Variants in TRAPPC8 observed in about 807,000 individuals in gnomAD.
The protein encoded by TRAPPC8 is general sporulation gene 1 homolog.
In TRAPPC8, 54 loss-of-function variants were observed where a neutral mutation model predicts 174.3. The observed-to-expected ratio is 0.31, with a 90% confidence interval of 0.25 to 0.39. TRAPPC8 has a LOEUF of 0.39. Ranked by LOEUF, TRAPPC8 falls within the 10% of genes least tolerant of loss-of-function variation. The pLI is 1.00. For synonymous variants in TRAPPC8, 630 were observed against 579.9 expected (o/e 1.09, Z -1.24); for missense variants, 1,531 against 1,699.1 (o/e 0.90, Z 1.74).
At chr18:31,864,229 G>C (rs902749754) in intron 19 of TRAPPC8, among the ~76,000 whole-genome samples, 1 of 151,652 alleles carries the variant, frequency 6.6e-6, no homozygotes, top group African/African-American at 2.4e-5. Context: ...GATAGGATGG[G>C]ATAAGAAGGT....
chr18:31,926,581 T>A (rs1382626368), intron 2 of TRAPPC8: 1 of 151,618 alleles, frequency 6.6e-6, no homozygotes, highest in Non-Finnish European at 1.5e-5. Flanking sequence ...ATTACAGGAG[T>A]GTGCCACCAC....
chr18:31,901,980 T>C (rs966397169), intron 9 of TRAPPC8, among the ~76,000 whole-genome samples: 7 of 152,320 alleles, frequency 4.6e-5, no homozygotes, highest in East Asian at 3.9e-4. Context: ...CCCTTCCTCT[T>C]TGTCACTGTA....
chr18:31,867,476 C>G lies in TRAPPC8; in HGVS notation c.2389G>C (p.Val797Leu). 1 of 1,593,458 alleles carries G rather than the reference C, an allele frequency of 6.3e-7. No homozygotes were observed. Among genetic ancestry groups the G allele is most frequent in the Non-Finnish European group, 8.6e-7 (1 of 1,164,780 alleles). ...GKDNEEVKQL[V>L]TSEPEMIGAE... The stretch of plus-strand genomic sequence containing the variant: ...CCAATCATTTCAGGTTCACTTGTAA[C>G]CTAAAAAATAAATTTCATAAATTAT... Residue 797 changes from valine (V) to leucine (L), a missense_variant and splice_region_variant, in exon 17 of 29, where the codon GTT becomes CTT. Val to Leu is a conservative substitution (Grantham distance 32, BLOSUM62 1). Transcript: ENST00000283351.
intron 5 of TRAPPC8, among the ~76,000 whole-genome samples, chr18:31,911,895 T>C (rs1231974036): frequency 6.6e-6 from 1 of 150,982 alleles, no homozygotes; most frequent in Non-Finnish European, 1.5e-5. Flanking sequence ...AAAAAAATTT[T>C]CTTCTAAACA....
chr18:31,836,761 T>C (rs899202094), intron 27 of TRAPPC8, among the ~76,000 whole-genome samples: 1 of 137,826 alleles, frequency 7.3e-6, no homozygotes, highest in Non-Finnish European at 1.5e-5. Flanking sequence ...TTTCAGTCTT[T>C]TTTTTTTTTT....
At chr18:31,931,901 AG>A (rs1374718194) in intron 1 of TRAPPC8, among the ~76,000 whole-genome samples, 1 of 152,178 alleles carries the variant, frequency 6.6e-6, no homozygotes, top group Non-Finnish European at 1.5e-5. Flanking sequence ...AAACAGTAAA[AG>A]GAAAAAGAAA....
chr18:31,869,497 C>T (rs1475438779), intron 16 of TRAPPC8, among the ~76,000 whole-genome samples: 1 of 152,088 alleles, frequency 6.6e-6, no homozygotes, highest in Non-Finnish European at 1.5e-5. Flanking sequence ...ATACTTTTCC[C>T]TAAAATCTTC....
intron 27 of TRAPPC8, among the ~76,000 whole-genome samples, chr18:31,837,279 T>C (rs563438951): frequency 1.2e-4 from 18 of 151,820 alleles, no homozygotes; most frequent in Non-Finnish European, 2.2e-4. Flanking sequence ...TATGCTGCTA[T>C]TGGAATATGC....
chr18:31,878,501 A>G (rs2035271603), intron 12 of TRAPPC8, among the ~76,000 whole-genome samples: 1 of 152,212 alleles, frequency 6.6e-6, no homozygotes, highest in Non-Finnish European at 1.5e-5. Context: ...GAAATGCTCA[A>G]AGGAGTTCTA....
intron 9 of TRAPPC8, 152 bp from the exon 10 acceptor site, chr18:31,901,177 C>A: frequency 3.4e-6 from 2 of 596,678 alleles, no homozygotes; most frequent in Non-Finnish European, 2.8e-6. Flanking sequence ...TTGAAAAACA[C>A]ATTTGTAGCC....
chr18:31,851,107 A>T (rs2033681794), intron 24 of TRAPPC8, among the ~76,000 whole-genome samples: 1 of 152,202 alleles, frequency 6.6e-6, no homozygotes, highest in African/African-American at 2.4e-5. Flanking sequence ...ACAAAAATAT[A>T]AGGATGTTTA....
intron 19 of TRAPPC8, 67 bp from the exon 20 acceptor site, chr18:31,858,049 T>A: frequency 3.8e-6 from 5 of 1,324,432 alleles, no homozygotes; most frequent in Non-Finnish European, 5.1e-6. Flanking sequence ...TGAATAACAC[T>A]TTAAGACACT....
chr18:31,928,292 A>G (rs1384153897), intron 2 of TRAPPC8, among the ~76,000 whole-genome samples: 1 of 151,870 alleles, frequency 6.6e-6, no homozygotes, highest in Admixed American at 6.6e-5. Context: ...TGAGGCCAGA[A>G]GTTCAACACC....
At chr18:31,852,318 CAG>C (rs2033749919) in intron 24 of TRAPPC8, 126 bp downstream of exon 24, 1 of 993,488 alleles carries the variant, frequency 1.0e-6, no homozygotes, top group South Asian at 1.6e-5. Context: ...TCCTGGGAGA[CAG>C]AGCAAGACCT....
rs1246506445 is a variant in TRAPPC8 at position 31,880,090 on chromosome 18, AATATATATATATATAT to A, written c.1729-5402_1729-5387del. 4.7e-5 allele frequency among the ~76,000 whole-genome samples: 4 copies of A among 85,380 alleles called. No homozygotes were observed. The Admixed American group carries it at 4.7e-4, about 10-fold the overall frequency. 56.0% of individuals were successfully genotyped at this position (85,380 alleles called of 152,430 possible). On this transcript the variant is annotated intron_variant, in intron 12 of 28. Coordinates refer to ENST00000283351, the MANE Select transcript of TRAPPC8 (RefSeq NM_014939.5). The stretch of plus-strand genomic sequence containing the variant: ...TTTTACTGAAACTATTGAAAAAAAA[AATATATATATATATAT>A]ATATATATATATATATTTTTTTTTT...
rs114438669 is a variant in TRAPPC8, at chr18:31,921,947, C to G, written c.353-4280G>C. 7.2e-3 allele frequency among the ~76,000 whole-genome samples: 1,091 copies of G among 152,180 alleles called. 15 individuals are homozygous for G. Among genetic ancestry groups the G allele is most frequent in the African/African-American group, 0.025 (1,047 of 41,526 alleles). On this transcript the variant is annotated intron_variant, in intron 2 of 28. Coordinates refer to ENST00000283351, the MANE Select transcript of TRAPPC8 (RefSeq NM_014939.5). ...TGTTCCCCCTAATTATGCAAAAGAT[C>G]TTTTGAAAACTATATTACATGAGTG...
intron 4 of TRAPPC8, among the ~76,000 whole-genome samples, chr18:31,915,618 C>T (rs1255105526): frequency 3.3e-5 from 5 of 151,958 alleles, no homozygotes; most frequent in African/African-American, 9.7e-5. Flanking sequence ...AAAATGAAGC[C>T]GGGCGTGGTG....
chr18:31,867,309 GAA>G (rs1479842586), intron 17 of TRAPPC8, 91 bp downstream of exon 17: 3 of 941,588 alleles, frequency 3.2e-6, no homozygotes, highest in Non-Finnish European at 4.8e-6. Flanking sequence ...AAGAAAACTA[GAA>G]TATAAAATAA....
rs183863753 is a variant in TRAPPC8, at chr18:31,942,576, G to A, written c.157+32C>T. On this transcript the variant is annotated intron_variant, in intron 1 of 28. Transcript: ENST00000283351. Reference sequence around the variant, plus strand: ...CCTTCTCCCGACCACGGCTTTGCGGGAGCCCACTGGAAAAGGGAGGATACC... The same window carrying A: ...CCTTCTCCCGACCACGGCTTTGCGGAAGCCCACTGGAAAAGGGAGGATACC... The A allele has an allele frequency of 3.6e-4, 532 of 1,494,052 alleles. No individual in the cohort carries two copies. In the African/African-American group the frequency reaches 7.0e-3, roughly 20 times the overall value. 92.5% of individuals were successfully genotyped at this position (1,494,052 alleles called of 1,614,324 possible).
Sources: gnomAD v4.1 joint callset for allele counts (sites outside exome capture counted in the v4.1 genomes callset) on GRCh38, gnomAD v4.1.1 for gene constraint, MANE v1.5 for transcripts, NCBI Gene and HGNC (gene_info 2026-07-23, HGNC 2026-07-21) for gene names.